SGCZ: variants seen among roughly 807,000 people sequenced by gnomAD.
SGCZ encodes sarcoglycan zeta.
Under a neutral mutation model 41.3 loss-of-function variants are expected in SGCZ, and 40 were observed. The observed-to-expected ratio is 0.97, with a 90% CI of 0.75 to 1.26. The LOEUF is 1.26. SGCZ is among the 50% of genes most tolerant of loss of function. The pLI is 0.00. For missense variants in SGCZ, 552 were observed against 369.8 expected (o/e 1.49, Z -4.04); for synonymous variants, 206 against 137.5 (o/e 1.50, Z -3.49).
At chr8:14,325,763 T>C (rs1158232372) in intron 2 of SGCZ, among the ~76,000 whole-genome samples, 4,746 of 41,364 alleles carry the variant, frequency 0.11, 323 homozygotes, top group African/African-American at 0.38. Flanking sequence ...TATATATATA[T>C]ATATATATAT....
At chr8:15,142,668 AC>A (rs1281950698) in intron 1 of SGCZ, among the ~76,000 whole-genome samples, 2 of 77,652 alleles carry the variant, frequency 2.6e-5, no homozygotes, top group African/African-American at 4.8e-5. Flanking sequence ...TCCCGCCCCC[AC>A]CCCCCAATCT....
intron 2 of SGCZ, among the ~76,000 whole-genome samples, chr8:14,406,146 G>A (rs1399619086): frequency 6.6e-6 from 1 of 152,136 alleles, no homozygotes; most frequent in East Asian, 2.0e-4. Flanking sequence ...AACATATCAA[G>A]CTTATGCTTT....
At chr8:14,113,976 C>T (rs920416773) in intron 5 of SGCZ, among the ~76,000 whole-genome samples, 2 of 152,004 alleles carry the variant, frequency 1.3e-5, no homozygotes, top group African/African-American at 2.4e-5. Flanking sequence ...ATCTGTGAAA[C>T]ATTTTCTTGG....
chr8:14,211,237 T>C (rs1805796233), intron 4 of SGCZ, among the ~76,000 whole-genome samples: 1 of 152,124 alleles, frequency 6.6e-6, no homozygotes, highest in Non-Finnish European at 1.5e-5. Context: ...GTGTCTGCTT[T>C]CTGTGCTCCT....
At chr8:14,649,395 T>C (rs963100075) in intron 1 of SGCZ, among the ~76,000 whole-genome samples, 2 of 152,122 alleles carry the variant, frequency 1.3e-5, no homozygotes, top group African/African-American at 2.4e-5. Flanking sequence ...GGACAACCCA[T>C]CTGGCTTCTG....
At chr8:14,349,443 C>A (rs1249187530) in intron 2 of SGCZ, among the ~76,000 whole-genome samples, 1 of 151,912 alleles carries the variant, frequency 6.6e-6, no homozygotes, top group African/African-American at 2.4e-5. Context: ...CAGGCTTTCC[C>A]CTATGTCAAC....
chr8:14,686,200 G>A (rs1035430224), intron 1 of SGCZ, among the ~76,000 whole-genome samples: 1 of 152,142 alleles, frequency 6.6e-6, no homozygotes, highest in Non-Finnish European at 1.5e-5. Flanking sequence ...TACAGTATAT[G>A]TTTAGAAGTA....
chr8:14,183,598 G>A (rs1302935265), intron 4 of SGCZ, among the ~76,000 whole-genome samples: 2 of 152,088 alleles, frequency 1.3e-5, no homozygotes, highest in African/African-American at 2.4e-5. Flanking sequence ...AAGAGAACAC[G>A]GAATATTATC....
intron 1 of SGCZ, among the ~76,000 whole-genome samples, chr8:15,207,022 C>T (rs1374805283): frequency 6.6e-6 from 1 of 152,112 alleles, no homozygotes; most frequent in East Asian, 1.9e-4. Context: ...CAAGAAATAA[C>T]TATCAGCAAC....
In SGCZ at chr8:15,086,738, C is replaced by T. The variant is rs549158201; in HGVS notation, c.39+150847G>A. ...ACTTATTTCTCAACTGCTTTGTGGA[C>T]CTGGAATATTTTCAAATATAAGGAT... On this transcript the variant is annotated intron_variant, in intron 1 of 7. Transcript: ENST00000382080. 3.2e-3 allele frequency among the ~76,000 whole-genome samples: 484 copies of T among 152,052 alleles called. 2 individuals are homozygous for T. Among genetic ancestry groups the T allele is most frequent in the Non-Finnish European group, 5.3e-3 (359 of 68,000 alleles).
At chr8:14,173,685 A>G (rs1464293447) in intron 4 of SGCZ, among the ~76,000 whole-genome samples, 1 of 152,126 alleles carries the variant, frequency 6.6e-6, no homozygotes, top group Non-Finnish European at 1.5e-5. Context: ...CTGAACATTA[A>G]AAAGTACTCA....
chr8:14,096,164 C>T (rs1398857009), intron 7 of SGCZ, among the ~76,000 whole-genome samples: 1 of 152,164 alleles, frequency 6.6e-6, no homozygotes, highest in African/African-American at 2.4e-5. Context: ...GAAGAGAGGG[C>T]ATCCTTGTCT....
intron 2 of SGCZ, among the ~76,000 whole-genome samples, chr8:14,547,250 C>T (rs529474216): frequency 6.6e-6 from 1 of 152,258 alleles, no homozygotes; most frequent in African/African-American, 2.4e-5. Context: ...GTAAGTATTA[C>T]ATTTTTCAAG....
At chr8:14,325,747 C>CATAT (rs370021799) in intron 2 of SGCZ, among the ~76,000 whole-genome samples, 32 of 69,442 alleles carry the variant, frequency 4.6e-4, no homozygotes, top group Non-Finnish European at 7.8e-4. Context: ...CACACACACA[C>CATAT]ATATATATAT....
intron 1 of SGCZ, among the ~76,000 whole-genome samples, chr8:14,683,728 T>C (rs1024692880): frequency 3.3e-5 from 5 of 152,288 alleles, no homozygotes; most frequent in Admixed American, 1.3e-4. Flanking sequence ...GTTTGTTTTA[T>C]TCTTCCTTCA....
chr8:14,268,525 A>G (rs897094744), intron 3 of SGCZ, among the ~76,000 whole-genome samples: 4 of 151,880 alleles, frequency 2.6e-5, no homozygotes, highest in Non-Finnish European at 5.9e-5. Context: ...AGTCACAGAC[A>G]GTTTTTCATA....
intron 1 of SGCZ, among the ~76,000 whole-genome samples, chr8:15,217,983 G>T (rs1341184835): frequency 6.6e-6 from 1 of 152,138 alleles, no homozygotes; most frequent in Non-Finnish European, 1.5e-5. Context: ...CTGCTGGGGA[G>T]GCCGAGGTAG....
intron 1 of SGCZ, among the ~76,000 whole-genome samples, chr8:15,195,378 C>T (rs1026465647): frequency 1.3e-5 from 2 of 152,138 alleles, no homozygotes; most frequent in African/African-American, 4.8e-5. Context: ...CTCTCCTTCC[C>T]ACTGCCAAAT....
chr8:14,858,841 C>A (rs1035623310), intron 1 of SGCZ, among the ~76,000 whole-genome samples: 2 of 152,042 alleles, frequency 1.3e-5, no homozygotes, highest in African/African-American at 2.4e-5. Flanking sequence ...TAACAAAAAA[C>A]GAGTTTTATA....
Sources: allele counts gnomAD v4.1 joint callset (sites outside exome capture counted in the v4.1 genomes callset), GRCh38; gene constraint gnomAD v4.1.1; transcripts MANE v1.5; gene names NCBI Gene and HGNC (gene_info 2026-07-23, HGNC 2026-07-21).